The following SYNPO2 variants were observed in gnomAD, a reference collection of about 807,000 sequenced individuals.
SYNPO2 encodes the protein synaptopodin 2, also known as synaptopodin-2.
A neutral mutation model predicts 85.0 loss-of-function variants in SYNPO2; 56 were observed. The observed-to-expected ratio is 0.66, with a 90% CI of 0.53 to 0.82. The LOEUF is 0.82. Among genes scored for constraint, SYNPO2 ranks in the 40% least tolerant of loss-of-function variants. The pLI, the probability that SYNPO2 is intolerant of heterozygous loss-of-function variation, is 0.00. For synonymous variants in SYNPO2, 602 were observed against 591.1 expected (o/e 1.02, Z -0.27); for missense variants, 1,575 against 1,534.2 (o/e 1.03, Z -0.44).
intron 1 of SYNPO2, among the ~76,000 whole-genome samples, chr4:118,962,970 C>A (rs1238043422): frequency 6.6e-6 from 1 of 152,172 alleles, no homozygotes; most frequent in Non-Finnish European, 1.5e-5. Context: ...TGCAGCCACA[C>A]ACAGAGCTTG....
intron 1 of SYNPO2, among the ~76,000 whole-genome samples, chr4:118,914,925 T>C (rs1416290748): frequency 2.6e-5 from 4 of 151,700 alleles, no homozygotes; most frequent in Non-Finnish European, 5.9e-5. Context: ...AGTTTGTGCT[T>C]AATATGTTTA....
At chr4:119,043,926 A>G (rs1286316603) in intron 4 of SYNPO2, 1 of 133,186 alleles carries the variant, frequency 7.5e-6, no homozygotes, top group African/African-American at 2.8e-5. Flanking sequence ...TGACAGAGAC[A>G]GACTCCGTCT....
At chr4:118,979,766 G>A (rs953492328) in intron 1 of SYNPO2, among the ~76,000 whole-genome samples, 3 of 152,192 alleles carry the variant, frequency 2.0e-5, no homozygotes, top group Non-Finnish European at 2.9e-5. Context: ...ATTATAGTCT[G>A]AGCAATTACT....
In SYNPO2 at chr4:119,031,990, C is replaced by T. The variant is rs745847192; in HGVS notation, c.3215C>T (p.Pro1072Leu). The stretch of plus-strand genomic sequence containing the variant: ...TCATCTTATTTTGTGGCACCAAGGC[C>T]AAAGTTCTCAGCCAAGAAAAGTGGT... The part of the protein sequence containing the change: ...ASSSYFVAPR[P>L]KFSAKKSGVT... The change falls in exon 4 of 5, where the codon CCA (proline) becomes CTA (leucine). Residue 1072 changes from proline (P) to leucine (L), a missense_variant. This residue lies in a region of SYNPO2 where 1,508 missense variants were observed against 1,446.8 expected (regional missense o/e 1.04). Transcript: ENST00000307142. 7 of 1,614,190 alleles carry T rather than the reference C, an allele frequency of 4.3e-6. No homozygotes were observed. In the Admixed American group the frequency reaches 1.2e-4, roughly 27 times the overall value.
chr4:119,023,181 T>A (rs1019079818), intron 1 of SYNPO2, among the ~76,000 whole-genome samples: 1 of 152,242 alleles, frequency 6.6e-6, no homozygotes, highest in African/African-American at 2.4e-5. Context: ...CATTGATTTA[T>A]TTACTTTCTT....
At chr4:118,977,254 C>T (rs561171436) in intron 1 of SYNPO2, among the ~76,000 whole-genome samples, 6 of 152,320 alleles carry the variant, frequency 3.9e-5, no homozygotes, top group South Asian at 4.1e-4. Flanking sequence ...GCCAGCACTG[C>T]TGGGGGACTC....
intron 1 of SYNPO2, among the ~76,000 whole-genome samples, chr4:118,918,199 A>G (rs1733417555): frequency 1.3e-5 from 2 of 152,172 alleles, no homozygotes; most frequent in Admixed American, 1.3e-4. Flanking sequence ...TTTTTAAACA[A>G]TGTTTGCCAA....
chr4:118,973,444 A>G (rs966158327), intron 1 of SYNPO2, among the ~76,000 whole-genome samples: 1 of 152,152 alleles, frequency 6.6e-6, no homozygotes, highest in Non-Finnish European at 1.5e-5. Flanking sequence ...CACGTATGAT[A>G]TGATACTGGC....
At chr4:119,013,032 A>C (rs1737388633) in intron 1 of SYNPO2, among the ~76,000 whole-genome samples, 2 of 152,190 alleles carry the variant, frequency 1.3e-5, no homozygotes, top group South Asian at 4.1e-4. Flanking sequence ...TGTCATCTGC[A>C]GACCTCTGGT....
At chr4:118,865,606 CT>C (rs1731686955) in intron 1 of SYNPO2, among the ~76,000 whole-genome samples, 1 of 152,082 alleles carries the variant, frequency 6.6e-6, no homozygotes, top group Non-Finnish European at 1.5e-5. Flanking sequence ...TGAGATTTGG[CT>C]GAGAGTGTTT....
At chr4:119,001,845 GT>G (rs772670780) in intron 1 of SYNPO2, among the ~76,000 whole-genome samples, 1 of 151,562 alleles carries the variant, frequency 6.6e-6, no homozygotes, top group Non-Finnish European at 1.5e-5. Context: ...ATACATCTGT[GT>G]TTACCTTTGT....
At chr4:118,982,957 T>C (rs1327819173) in intron 1 of SYNPO2, among the ~76,000 whole-genome samples, 1 of 129,258 alleles carries the variant, frequency 7.7e-6, no homozygotes, top group South Asian at 2.2e-4. Flanking sequence ...GCTACTCAGA[T>C]GAGTAGCTTC....
At chr4:119,004,816 T>C (rs554241365) in intron 1 of SYNPO2, among the ~76,000 whole-genome samples, 1 of 152,092 alleles carries the variant, frequency 6.6e-6, no homozygotes, top group South Asian at 2.1e-4. Context: ...ACTTCCACAA[T>C]GATTGAACTA....
chr4:119,006,600 G>A (rs1045956417), intron 1 of SYNPO2, among the ~76,000 whole-genome samples: 5 of 152,082 alleles, frequency 3.3e-5, no homozygotes. Flanking sequence ...AATATCAAAA[G>A]CGGAAACTAA....
At chr4:118,906,210 CT>C (rs1011693988) in intron 1 of SYNPO2, among the ~76,000 whole-genome samples, 2 of 151,704 alleles carry the variant, frequency 1.3e-5, no homozygotes, top group Non-Finnish European at 2.9e-5. Flanking sequence ...TGAGGTTTTG[CT>C]TTTTTTTAAA....
rs1161821671 is a variant in SYNPO2 at position 119,060,201 on chromosome 4, CAT to C, written c.*2268_*2269del. On this transcript the variant is annotated 3_prime_UTR_variant, in exon 5 of 5. Transcript: ENST00000307142. ...AAATAGAGAGGAGACTTTAAACTTA[CAT>C]GTTAGCATAAAACAGACTTCTCTCT... 4 of 152,120 alleles carry C rather than the reference CAT, an allele frequency of 2.6e-5. No homozygotes were observed. Among genetic ancestry groups the C allele is most frequent in the Non-Finnish European group, 5.9e-5 (4 of 67,986 alleles). 9.4% of individuals were successfully genotyped at this position (152,120 alleles called of 1,614,324 possible).
intron 1 of SYNPO2, among the ~76,000 whole-genome samples, chr4:118,922,496 T>C (rs931665857): frequency 5.9e-5 from 9 of 152,102 alleles, no homozygotes; most frequent in African/African-American, 2.2e-4. Flanking sequence ...GTTTACTTAC[T>C]AGCTTGATGG....
At chr4:119,011,576 T>C (rs969521937) in intron 1 of SYNPO2, among the ~76,000 whole-genome samples, 2 of 152,176 alleles carry the variant, frequency 1.3e-5, no homozygotes, top group Non-Finnish European at 2.9e-5. Flanking sequence ...GCTTTTGTAA[T>C]AATCTCATAC....
rs1033343696 is a variant in SYNPO2, at chr4:118,995,000, T to C, written c.106-28430T>C. Among the ~76,000 whole-genome samples the C allele has an allele frequency of 2.0e-5, 3 of 152,210 alleles. No individual in the cohort carries two copies. In the East Asian group the frequency reaches 5.8e-4, roughly 29 times the overall value. On this transcript the variant is annotated intron_variant, in intron 1 of 4. Transcript: ENST00000307142. ...TACTATTTTTCAAATCACAAACTAATGAAAGGACATACAAACAAACGTGCT... is the reference window on the plus strand; with the variant it reads ...TACTATTTTTCAAATCACAAACTAACGAAAGGACATACAAACAAACGTGCT...
Sources: allele counts gnomAD v4.1 joint callset (sites outside exome capture counted in the v4.1 genomes callset), GRCh38; gene constraint gnomAD v4.1.1; regional missense constraint gnomAD v4.1.1; transcripts MANE v1.5; gene names NCBI Gene and HGNC (gene_info 2026-07-23, HGNC 2026-07-21).